NTM: variants seen among roughly 807,000 people sequenced by gnomAD.
NTM encodes the protein IgLON family member 2.
NTM carries 13 observed loss-of-function variants against 42.1 expected under a neutral mutation model. The ratio of observed to expected loss-of-function variants is 0.31; its 90% CI spans 0.20 to 0.49. The LOEUF (loss-of-function observed/expected upper bound fraction) is 0.49, where lower values mean the gene tolerates loss of function less well. Among genes scored for constraint, NTM ranks in the 20% least tolerant of loss-of-function variants. The pLI is 0.99. For synonymous variants in NTM, 187 were observed against 179.2 expected (o/e 1.04, Z -0.35); for missense variants, 373 against 452.8 (o/e 0.82, Z 1.60).
At chr11:132,041,532 T>A (rs1011312491) in intron 2 of NTM, among the ~76,000 whole-genome samples, 1 of 152,250 alleles carries the variant, frequency 6.6e-6, no homozygotes, top group Non-Finnish European at 1.5e-5. Context: ...ATTAATGTGC[T>A]GACTTGTGGG....
intron 1 of NTM, among the ~76,000 whole-genome samples, chr11:131,900,367 A>T (rs1230744380): frequency 6.6e-6 from 1 of 152,242 alleles, no homozygotes; most frequent in Non-Finnish European, 1.5e-5. Context: ...AAACCACAGG[A>T]AGGATTTGGA....
At chr11:132,134,757 A>ATCTCTATCTATC (rs111260161) in intron 2 of NTM, among the ~76,000 whole-genome samples, 5 of 97,280 alleles carry the variant, frequency 5.1e-5, no homozygotes, top group African/African-American at 1.8e-4. Flanking sequence ...ATATATATAT[A>ATCTCTATCTATC]TATCTCACAT....
chr11:132,068,125 C>T (rs1417646313), intron 2 of NTM, among the ~76,000 whole-genome samples: 3 of 152,188 alleles, frequency 2.0e-5, no homozygotes, highest in African/African-American at 7.2e-5. Context: ...ACAGGGTGTT[C>T]AGTCATATAC....
intron 1 of NTM, among the ~76,000 whole-genome samples, chr11:131,844,679 CTT>C (rs1425882294): frequency 5.3e-5 from 8 of 152,066 alleles, no homozygotes. Context: ...CTGGAAATCT[CTT>C]ATACATGTTT....
intron 1 of NTM, among the ~76,000 whole-genome samples, chr11:131,886,969 T>C (rs545394009): frequency 2.0e-5 from 3 of 152,268 alleles, no homozygotes; most frequent in East Asian, 3.9e-4. Context: ...ACTACCATTC[T>C]CATTTTACAC....
At chr11:132,014,736 G>GTTTTTTT (rs146527050) in intron 2 of NTM, among the ~76,000 whole-genome samples, 131 of 83,892 alleles carry the variant, frequency 1.6e-3, no homozygotes, top group Middle Eastern at 0.012. Flanking sequence ...AGAATTACTT[G>GTTTTTTT]TTTTTTTTTT....
chr11:132,302,074 T>C (rs1257133556), intron 4 of NTM, among the ~76,000 whole-genome samples: 1 of 152,194 alleles, frequency 6.6e-6, no homozygotes, highest in Non-Finnish European at 1.5e-5. Flanking sequence ...GTCTCTGTCA[T>C]TCGATTAGTT....
intron 3 of NTM, among the ~76,000 whole-genome samples, chr11:132,208,373 C>A (rs1566474516): frequency 6.6e-6 from 1 of 152,230 alleles, no homozygotes; most frequent in Non-Finnish European, 1.5e-5. Flanking sequence ...CACCTCATCT[C>A]TATGCCATGA....
intron 3 of NTM, among the ~76,000 whole-genome samples, chr11:132,187,244 T>TGC (rs1044355136): frequency 6.7e-6 from 1 of 149,768 alleles, no homozygotes; most frequent in Non-Finnish European, 1.5e-5. Context: ...TGTGTGTGTG[T>TGC]GTGCGTGTGC....
intron 4 of NTM, among the ~76,000 whole-genome samples, chr11:132,292,996 A>G (rs548860058): frequency 6.6e-6 from 1 of 152,188 alleles, no homozygotes; most frequent in African/African-American, 2.4e-5. Flanking sequence ...AGTAGGTCAC[A>G]GAAGACAGCA....
intron 1 of NTM, among the ~76,000 whole-genome samples, chr11:131,421,089 G>A (rs1347651505): frequency 6.6e-6 from 1 of 152,192 alleles, no homozygotes; most frequent in African/African-American, 2.4e-5. Flanking sequence ...CTGGAAGCTT[G>A]AAGAGAATTC....
intron 7 of NTM, among the ~76,000 whole-genome samples, chr11:132,325,163 G>A (rs999120674): frequency 2.6e-5 from 4 of 152,128 alleles, no homozygotes; most frequent in African/African-American, 9.7e-5. Flanking sequence ...AGCCAAAACT[G>A]ACAAATAGGA....
At chr11:131,678,775 C>T (rs1385450618) in intron 1 of NTM, among the ~76,000 whole-genome samples, 1 of 152,162 alleles carries the variant, frequency 6.6e-6, no homozygotes, top group Non-Finnish European at 1.5e-5. Flanking sequence ...CTGAGCCTCT[C>T]GTGTCTGGAC....
chr11:131,658,218 TCTC>T (rs1272953565), intron 1 of NTM, among the ~76,000 whole-genome samples: 1 of 152,180 alleles, frequency 6.6e-6, no homozygotes, highest in Non-Finnish European at 1.5e-5. Context: ...CTCTCAGAAT[TCTC>T]CTATTCAATA....
At chr11:132,093,429 A>C (rs927352361) in intron 2 of NTM, among the ~76,000 whole-genome samples, 1 of 152,158 alleles carries the variant, frequency 6.6e-6, no homozygotes. Context: ...TCTGTCATTC[A>C]TTGTTCCATC....
At chr11:131,652,093 G>A (rs2134349541) in intron 1 of NTM, among the ~76,000 whole-genome samples, 1 of 45,468 alleles carries the variant, frequency 2.2e-5, no homozygotes, top group South Asian at 7.3e-4. Context: ...CTAGACTTAT[G>A]AGTTAACTTG....
chr11:132,217,528 T>C (rs1592288305), intron 4 of NTM, among the ~76,000 whole-genome samples: 1 of 152,024 alleles, frequency 6.6e-6, no homozygotes, highest in East Asian at 1.9e-4. Flanking sequence ...CCTAGGGTGA[T>C]ATAAAGACCC....
intron 2 of NTM, among the ~76,000 whole-genome samples, chr11:132,030,703 A>G (rs2075802558): frequency 6.6e-6 from 1 of 152,204 alleles, no homozygotes; most frequent in East Asian, 1.9e-4. Context: ...GCTTTGGATC[A>G]GGAAACTTAA....
chr11:131,420,659 C>T (rs189385367), intron 1 of NTM, among the ~76,000 whole-genome samples: 19 of 152,260 alleles, frequency 1.2e-4, no homozygotes, highest in African/African-American at 4.6e-4. Context: ...CATTCTCATG[C>T]ATCCCTGGCT....
Sources: allele counts gnomAD v4.1 joint callset (sites outside exome capture counted in the v4.1 genomes callset), GRCh38; gene constraint gnomAD v4.1.1; transcripts MANE v1.5; gene names NCBI Gene and HGNC (gene_info 2026-07-23, HGNC 2026-07-21).